Variants in IGSF1 observed in about 807,000 individuals in gnomAD.
IGSF1 encodes immunoglobulin-like domain-containing protein 1.
In IGSF1, 40 loss-of-function variants were observed where a neutral mutation model predicts 95.3. The observed-to-expected ratio is 0.42, with a 90% CI of 0.33 to 0.55. The LOEUF is 0.55. IGSF1 is among the 20% of genes least tolerant of loss of function. IGSF1 has a pLI of 0.10. For synonymous variants in IGSF1, 372 were observed against 382.9 expected (o/e 0.97, Z 0.33); for missense variants, 906 against 1,025.4 (o/e 0.88, Z 1.59).
At position 131,279,049 on chromosome X, in the gene IGSF1, C is replaced by A. The variant is rs753720462; in HGVS notation, c.1750+94G>T. On this transcript the variant is annotated intron_variant, in intron 11 of 19. Coordinates refer to ENST00000361420, the MANE Select transcript of IGSF1 (RefSeq NM_001555.5). ...CCCCTTCCTGGCTGCCCTTCCCTCC[C>A]AACCAGCCACTCCCTGGCCAATGAC... The A allele has an allele frequency of 1.8e-5, 17 of 956,321 alleles. No homozygotes were observed. The East Asian group carries it at 4.3e-4, about 24-fold the overall frequency. The allele number at this position is 956,321 out of a possible 1,213,427, so 78.8% of individuals were successfully genotyped here.
Position 131,274,746 on chromosome X carries a change from G to T in IGSF1, c.3604C>A (p.Pro1202Thr), listed in dbSNP as rs758849300. The T allele has an allele frequency of 1.7e-6, 2 of 1,211,627 alleles. No homozygotes were observed. The highest frequency in any genetic ancestry group is 5.9e-5 in the East Asian group (2 of 33,833). The change falls in exon 18 of 20, where the codon CCT (proline) becomes ACT (threonine). Residue 1202 changes from proline to threonine, a missense_variant. This residue lies in a region of IGSF1 where 411 missense variants were observed against 494.9 expected (regional missense o/e 0.83). Transcript: ENST00000361420. ...FVLEHDGEEAPQQFSEDGDFV... is the reference protein window; with the variant it reads ...FVLEHDGEEATQQFSEDGDFV... ...TCTCCATCCTCTGAAAACTGCTGAGGTGCTTCTTCTCCATCATGTTCTAGG... is the reference window on the plus strand; with the variant it reads ...TCTCCATCCTCTGAAAACTGCTGAGTTGCTTCTTCTCCATCATGTTCTAGG...
Position 131,281,253 on chromosome X carries a change from C to T in IGSF1, c.1611G>A (p.Leu537=). 5.8e-6 allele frequency: 7 copies of T among 1,210,800 alleles called. No individual in the cohort carries two copies. Among genetic ancestry groups the T allele is most frequent in the Non-Finnish European group, 7.8e-6 (7 of 894,673 alleles). ...MQLVALLLVV[L]WIRWKCRRLR... ...GTCTCCGACACTTCCACCTTATCCA[C>T]AGCACTACCAACAGCAAGGCAACAA... Residue 537 remains leucine, a synonymous_variant, in exon 9 of 20, where the codon CTG becomes CTA. Coordinates refer to ENST00000361420, the MANE Select transcript of IGSF1 (RefSeq NM_001555.5).
At position 131,285,494 on chromosome X, in the gene IGSF1, G is replaced by A. The variant is rs1281790197; in HGVS notation, c.380-28C>T. On this transcript the variant is annotated intron_variant, in intron 4 of 19. Coordinates refer to ENST00000361420, the MANE Select transcript of IGSF1 (RefSeq NM_001555.5). ...GGAAGGATAGAATGAACTGGAATTA[G>A]GTAAAGCAAGGATAGTACTGTCTAG... 5.9e-6 allele frequency: 7 copies of A among 1,182,318 alleles called. No homozygotes were observed. In the East Asian group the frequency reaches 2.1e-4, roughly 35 times the overall value.
At position 131,273,901 on chromosome X, in the gene IGSF1, G is replaced by C. The variant is rs150776874; in HGVS notation, c.3906C>G (p.Thr1302=). 362 of 1,208,539 alleles carry C rather than the reference G, an allele frequency of 3.0e-4. 1 individual carries two copies. The African/African-American group carries it at 5.7e-3, about 19-fold the overall frequency. ...CTTGGTTACACTCTTCAAGGGCAAT[G>C]GTCTGGTCTCTTCCGTCTGTCTCTG... ...RGSETDGRDQ[T]IALEECNQEG... The change falls in exon 20 of 20, where the codon ACC becomes ACG. Residue 1302 remains threonine (T), a synonymous_variant. Coordinates refer to ENST00000361420, the MANE Select transcript of IGSF1 (RefSeq NM_001555.5).
Position 131,282,692 on chromosome X carries a change from A to G in IGSF1, c.998T>C (p.Val333Ala). Residue 333 changes from valine (V) to alanine (A), a missense_variant, in exon 7 of 20, where the codon GTC (valine) becomes GCC (alanine). Transcript: ENST00000361420. ...TAGGCTCACATTCTGACCCATTTGG[A>G]CCACAGCACTGGGCCGAGCAAGTAG... is the stretch of plus-strand genomic sequence containing the variant. Reference protein sequence around the residue: ...TWLLARPSAVVQMGQNVSLRC... With the variant: ...TWLLARPSAVAQMGQNVSLRC... 1 of 1,210,974 alleles carries G rather than the reference A, an allele frequency of 8.3e-7. No individual in the cohort carries two copies. The highest frequency in any genetic ancestry group is 1.1e-6 in the Non-Finnish European group (1 of 894,894).
rs1442078906 is a variant in IGSF1 at position 131,285,858 on chromosome X, A to G, written c.288T>C (p.Leu96=). 8.3e-7 allele frequency: 1 copy of G among 1,210,701 alleles called. No individual in the cohort carries two copies. Among genetic ancestry groups the G allele is most frequent in the South Asian group, 1.8e-5 (1 of 56,943 alleles). ...GGTAAAGACCTGCATTGGACTCAGT[A>G]AGGGCACCTATAAGGAATGAAACTT... is the stretch of plus-strand genomic sequence containing the variant. The part of the protein sequence containing the change: ...TFQVSFLIGA[L]TESNAGLYRC... Residue 96 remains leucine (L), a synonymous_variant, in exon 4 of 20, where the codon CTT becomes CTC. Coordinates refer to ENST00000361420, the MANE Select transcript of IGSF1 (RefSeq NM_001555.5).
Position 131,278,012 on chromosome X carries a change from G to A in IGSF1, c.2164C>T (p.Pro722Ser), listed in dbSNP as rs1159996291. The change falls in exon 13 of 20, where the codon CCT (proline) becomes TCT (serine). Residue 722 changes from proline to serine, a missense_variant. Transcript: ENST00000361420. ...CCAACAGCACCAAGTTGCTGGACAG[G>A]TTCTTGCTCTCCCTCCTTATACAGA... ...FALYKEGEQE[P>S]VQQLGAVGRE... is the part of the protein sequence containing the mutation. The A allele has an allele frequency of 8.3e-7, 1 of 1,211,353 alleles. No homozygotes were observed. The highest frequency in any genetic ancestry group is 1.1e-6 in the Non-Finnish European group (1 of 895,229).
chrX:131,278,060 A>C lies in IGSF1; in HGVS notation c.2116T>G (p.Trp706Gly), dbSNP rs2080500981. ...AGAGCAAACCCCATGCCTGCCAGCC[A>C]TCCTTTGCACCGGAGTTGTAGTTCC... is the stretch of plus-strand genomic sequence containing the variant. Reference protein sequence around the residue: ...GQELQLRCKGWLAGMGFALYK... With the variant: ...GQELQLRCKGGLAGMGFALYK... The change falls in exon 13 of 20, where the codon TGG (tryptophan) becomes GGG (glycine). Residue 706 changes from tryptophan to glycine, a missense_variant. By Grantham distance (184) the Trp-to-Gly change is radical. This residue lies in a region of IGSF1 where 411 missense variants were observed against 494.9 expected (regional missense o/e 0.83). Transcript: ENST00000361420. The C allele has an allele frequency of 8.3e-7, 1 of 1,209,389 alleles. No individual in the cohort carries two copies. Among genetic ancestry groups the C allele is most frequent in the Non-Finnish European group, 1.1e-6 (1 of 894,648 alleles).
At chrX:131,282,343 C>T in intron 7 of IGSF1, 101 bp downstream of exon 7, 1 of 635,519 alleles carries the variant, frequency 1.6e-6, no homozygotes, top group Middle Eastern at 3.5e-4. Flanking sequence ...GTGTTTTGCT[C>T]ATAGCTCTCA....
At chrX:131,287,411 A>G (rs188541612) in intron 1 of IGSF1, among the ~76,000 whole-genome samples, 1 of 109,663 alleles carries the variant, frequency 9.1e-6, no homozygotes, top group Non-Finnish European at 1.9e-5. Context: ...CTCCCTCTTC[A>G]CCCTCCCTTA....
Position 131,274,868 on chromosome X carries a change from G to T in IGSF1, c.3482C>A (p.Pro1161His). The change falls in exon 18 of 20, where the codon CCT becomes CAT. Residue 1161 changes from proline (P) to histidine (H), a missense_variant. Around this residue, in one of 5 missense-constraint regions of IGSF1, gnomAD observed 411 missense variants for 494.9 expected, o/e 0.83. Coordinates refer to ENST00000361420, the MANE Select transcript of IGSF1 (RefSeq NM_001555.5). Reference sequence around the variant, plus strand: ...GGGCCAGGCTGACAGAGAGGGTTTAGGGGGCTTATCTGCAACCAACAAGGA... The same window carrying T: ...GGGCCAGGCTGACAGAGAGGGTTTATGGGGCTTATCTGCAACCAACAAGGA... ...SLEIWVTDKPPKPSLSAWPST... is the reference protein window; with the variant it reads ...SLEIWVTDKPHKPSLSAWPST... The T allele has an allele frequency of 8.3e-7, 1 of 1,210,730 alleles. No individual in the cohort carries two copies. Among genetic ancestry groups the T allele is most frequent in the Non-Finnish European group, 1.1e-6 (1 of 894,942 alleles).
Position 131,286,333 on chromosome X carries a change from A to G in IGSF1, c.97+104T>C, listed in dbSNP as rs1001742736. ...AGTCCTCTGATTCCCAATCAGCCCAATCTATCTCTGGAATCTCAAGGCATT... is the reference window on the plus strand; with the variant it reads ...AGTCCTCTGATTCCCAATCAGCCCAGTCTATCTCTGGAATCTCAAGGCATT... On this transcript the variant is annotated intron_variant, in intron 3 of 19. Coordinates refer to ENST00000361420, the MANE Select transcript of IGSF1 (RefSeq NM_001555.5). 2.1e-4 allele frequency: 151 copies of G among 724,383 alleles called. No individual in the cohort carries two copies. The African/African-American group carries it at 2.9e-3, about 14-fold the overall frequency. The allele number at this position is 724,383 out of a possible 1,213,427, so 59.7% of individuals were successfully genotyped here.
chrX:131,273,819 C>T lies in IGSF1; in HGVS notation c.3988G>A (p.Val1330Met), dbSNP rs2080444437. The change falls in exon 20 of 20, where the codon GTG becomes ATG. Residue 1330 changes from valine to methionine, a missense_variant. Coordinates refer to ENST00000361420, the MANE Select transcript of IGSF1 (RefSeq NM_001555.5). ...TATTATATTGGAACGGGCAGTTCCACAGAGATTCTCTGAGAGGTTGATGAA... is the reference window on the plus strand; with the variant it reads ...TATTATATTGGAACGGGCAGTTCCATAGAGATTCTCTGAGAGGTTGATGAA... Reference protein sequence around the residue: ...SPSSTSQRISVELPVPI With the variant: ...SPSSTSQRISMELPVPI 5.0e-6 allele frequency: 6 copies of T among 1,209,806 alleles called. No individual in the cohort carries two copies. The highest frequency in any genetic ancestry group is 5.6e-6 in the Non-Finnish European group (5 of 894,398).
chrX:131,273,568 A>G lies in IGSF1; in HGVS notation c.*228T>C, dbSNP rs2080441027. The G allele has an allele frequency of 1.2e-5, 4 of 345,771 alleles. No individual in the cohort carries two copies. In the Admixed American group the frequency reaches 1.4e-4, roughly 12 times the overall value. The allele number at this position is 345,771 out of a possible 1,213,427, so 28.5% of individuals were successfully genotyped here. A position where few individuals can be genotyped will look rare whatever the true frequency, so the allele number is the denominator to read the frequency against. On this transcript the variant is annotated 3_prime_UTR_variant, in exon 20 of 20. Coordinates refer to ENST00000361420, the MANE Select transcript of IGSF1 (RefSeq NM_001555.5). ...AAGAATGCATTTTTAATAGAATTTC[A>G]TGCGCCAGTAAATCAGTACAGTGAG...
intron 9 of IGSF1, among the ~76,000 whole-genome samples, chrX:131,279,749 G>C (rs1362522712): frequency 9.0e-6 from 1 of 111,614 alleles, no homozygotes; most frequent in Non-Finnish European, 1.9e-5. Context: ...GAAACTGTGA[G>C]TATTTCTCAG....
In IGSF1 at chrX:131,278,128, A is replaced by G; in HGVS notation, c.2048T>C (p.Leu683Pro). ...GGAAGCAGAAATGACAGGTTTGGGG[A>G]GGATGTCTGGAAAACAGAATGGGGT... is the stretch of plus-strand genomic sequence containing the variant. ...EALELVGTDI[L>P]PKPVISASPT... Residue 683 changes from leucine to proline, a missense_variant, in exon 13 of 20, where the codon CTC (leucine) becomes CCC (proline). By Grantham distance (98) the Leu-to-Pro change is moderately conservative. Around this residue, in one of 5 missense-constraint regions of IGSF1, gnomAD observed 10 missense variants for 32.3 expected, o/e 0.31. Transcript: ENST00000361420. The G allele has an allele frequency of 8.3e-7, 1 of 1,204,911 alleles. No homozygotes were observed. Among genetic ancestry groups the G allele is most frequent in the Admixed American group, 2.2e-5 (1 of 45,790 alleles).
In IGSF1 at chrX:131,285,332, C is replaced by T. The variant is rs750429785; in HGVS notation, c.514G>A (p.Val172Met). Residue 172 changes from valine to methionine, a missense_variant, in exon 5 of 20, where the codon GTG becomes ATG. By Grantham distance (21) the Val-to-Met change is conservative (BLOSUM62 1). Transcript: ENST00000361420. Reference sequence around the variant, plus strand: ...GTCCCAGTTGGGACTTGGTAATCCACAGGCTCTGCATATCCCTCTTTAAAC... The same window carrying T: ...GTCCCAGTTGGGACTTGGTAATCCATAGGCTCTGCATATCCCTCTTTAAAC... ...MLFKEGYAEP[V>M]DYQVPTGTMA... 8.3e-7 allele frequency: 1 copy of T among 1,211,517 alleles called. No homozygotes were observed. The highest frequency in any genetic ancestry group is 2.2e-5 in the Admixed American group (1 of 46,065).
rs376694354 is a variant in IGSF1, at chrX:131,276,911, A to G, written c.2608+28T>C. The G allele has an allele frequency of 8.4e-6, 10 of 1,189,814 alleles. No individual in the cohort carries two copies. In the African/African-American group the frequency reaches 1.4e-4, roughly 17 times the overall value. On this transcript the variant is annotated intron_variant, in intron 14 of 19. Coordinates refer to ENST00000361420, the MANE Select transcript of IGSF1 (RefSeq NM_001555.5). ...CACCCACCATCCCAGGGTTGGCACC[A>G]CCTCTACCTGGAGTCCCCCCTCCTA...
At position 131,274,214 on chromosome X, in the gene IGSF1, G is replaced by A; in HGVS notation, c.3752-8C>T. ...ACTCCTGAGCAACAGGCCCTGTGGT[G>A]ATGAAAGAGGAGAAACCGAGGCCAT... is the stretch of plus-strand genomic sequence containing the variant. On this transcript the variant is annotated splice_region_variant and splice_polypyrimidine_tract_variant and intron_variant, in intron 18 of 19. Transcript: ENST00000361420. 8.3e-7 allele frequency: 1 copy of A among 1,210,611 alleles called. No homozygotes were observed. The highest frequency in any genetic ancestry group is 1.1e-6 in the Non-Finnish European group (1 of 894,954).
Sources: allele counts gnomAD v4.1 joint callset (sites outside exome capture counted in the v4.1 genomes callset), GRCh38; gene constraint gnomAD v4.1.1; regional missense constraint gnomAD v4.1.1; transcripts MANE v1.5; gene names NCBI Gene and HGNC (gene_info 2026-07-23, HGNC 2026-07-21).